Variants in SMG9 observed in about 807,000 individuals in gnomAD.
SMG9 encodes the protein nonsense-mediated mRNA decay factor SMG9.
In SMG9, 55 loss-of-function variants were observed where a neutral mutation model predicts 64.0. That is an observed-to-expected ratio of 0.86 (90% CI 0.69 to 1.08). The LOEUF (loss-of-function observed/expected upper bound fraction) is 1.08, where lower values mean the gene tolerates loss of function less well. Ranked by LOEUF, SMG9 falls within the 50% of genes least tolerant of loss-of-function variation. The probability of loss-of-function intolerance (pLI) is 0.00; values close to 1 mark genes in which losing one functional copy is unlikely to be tolerated. For missense variants in SMG9, 554 were observed against 681.3 expected, an observed-to-expected ratio of 0.81 and a Z score of 2.08; for synonymous variants, 244 against 254.8, an observed-to-expected ratio of 0.96 and a Z score of 0.41.
Position 43,742,856 on chromosome 19 carries a change from C to T in SMG9, c.701+1916G>A, listed in dbSNP as rs570291102. 4.2e-3 allele frequency among the ~76,000 whole-genome samples: 633 copies of T among 152,080 alleles called. 1 individual carries two copies. The highest frequency in any genetic ancestry group is 0.014 in the African/African-American group (579 of 41,478). On this transcript the variant is annotated intron_variant, in intron 6 of 13. Transcript: ENST00000270066. ...CTGTAATCCCGACACTTTGGGAGGC[C>T]GAGGTGGGCAGATCACCTGTCAGGA... is the stretch of plus-strand genomic sequence containing the variant.
rs565291129 is a variant in SMG9, at chr19:43,733,496, T to C, written c.1211-44A>G. 1.2e-5 allele frequency: 19 copies of C among 1,612,528 alleles called. No homozygotes were observed. The South Asian group carries it at 2.0e-4, about 17-fold the overall frequency. On this transcript the variant is annotated intron_variant, in intron 11 of 13. Coordinates refer to ENST00000270066, the MANE Select transcript of SMG9 (RefSeq NM_019108.4). ...CAGCCTTCAGGTACCATGTTGTGGG[T>C]TTGGGGAGTGGGAATTGTTGACAGT...
intron 7 of SMG9, 90 bp from the exon 8 acceptor site, chr19:43,738,307 G>A (rs546995485): frequency 3.4e-6 from 4 of 1,191,180 alleles, no homozygotes; most frequent in South Asian, 2.7e-5. Context: ...GACAAAACAA[G>A]GTCAGAAACA....
intron 9 of SMG9, among the ~76,000 whole-genome samples, chr19:43,735,743 G>A (rs549444479): frequency 6.6e-6 from 1 of 151,956 alleles, no homozygotes; most frequent in Non-Finnish European, 1.5e-5. Context: ...AAGGGATAAT[G>A]GGATTGCTAA....
intron 6 of SMG9, among the ~76,000 whole-genome samples, chr19:43,742,715 G>A (rs923868499): frequency 6.6e-6 from 1 of 152,232 alleles, no homozygotes; most frequent in African/African-American, 2.4e-5. Flanking sequence ...GAAACCTCTT[G>A]GTATCCTGCA....
At chr19:43,748,489 A>G (rs766127784) in intron 2 of SMG9, among the ~76,000 whole-genome samples, 2 of 152,362 alleles carry the variant, frequency 1.3e-5, no homozygotes, top group South Asian at 4.1e-4. Flanking sequence ...CTCACAGACT[A>G]TGATGAGGAT....
intron 2 of SMG9, among the ~76,000 whole-genome samples, chr19:43,749,098 C>T (rs1361398060): frequency 6.6e-6 from 1 of 152,196 alleles, no homozygotes; most frequent in African/African-American, 2.4e-5. Flanking sequence ...CCTTAAATGT[C>T]ACGTTGGTGC....
intron 1 of SMG9, among the ~76,000 whole-genome samples, chr19:43,753,025 A>G (rs2146417207): frequency 6.6e-6 from 1 of 152,034 alleles, no homozygotes; most frequent in Non-Finnish European, 1.5e-5. Flanking sequence ...TGACATAAAC[A>G]GGTCCCTCCG....
chr19:43,748,075 C>T, intron 2 of SMG9, 23 bp from the exon 3 acceptor site: 1 of 1,593,024 alleles, frequency 6.3e-7, no homozygotes, highest in African/African-American at 1.3e-5. Context: ...AGGGCAGTTA[C>T]TCATGAATGG....
At chr19:43,745,351 G>C (rs187090508) in intron 5 of SMG9, among the ~76,000 whole-genome samples, 1 of 152,096 alleles carries the variant, frequency 6.6e-6, no homozygotes, top group Admixed American at 6.5e-5. Flanking sequence ...TTTCGTCTGT[G>C]TGTGTGTTTT....
At chr19:43,750,787 C>T in intron 1 of SMG9, 40 bp from the exon 2 acceptor site, 1 of 1,562,880 alleles carries the variant, frequency 6.4e-7, no homozygotes, top group Non-Finnish European at 8.7e-7. Flanking sequence ...GACAGAGTCT[C>T]TTCCTACTCT....
Position 43,729,078 on chromosome 19 carries a change from G to A in SMG9, c.*2518C>T, listed in dbSNP as rs962283420. 26 of 974,018 alleles carry A rather than the reference G, an allele frequency of 2.7e-5. No individual in the cohort carries two copies. In the East Asian group the frequency reaches 3.4e-4, roughly 13 times the overall value. 60.3% of individuals were successfully genotyped at this position (974,018 alleles called of 1,614,324 possible). On this transcript the variant is annotated 3_prime_UTR_variant, in exon 14 of 14. Coordinates refer to ENST00000270066, the MANE Select transcript of SMG9 (RefSeq NM_019108.4). ...GATGTAAAGGGGGTGGCGGGTGACCGGTACATACTTACCCACTGTTCAGAA... is the reference window on the plus strand; with the variant it reads ...GATGTAAAGGGGGTGGCGGGTGACCAGTACATACTTACCCACTGTTCAGAA...
chr19:43,741,769 C>T (rs1157797995), intron 6 of SMG9, among the ~76,000 whole-genome samples: 1 of 152,170 alleles, frequency 6.6e-6, no homozygotes, highest in African/African-American at 2.4e-5. Context: ...TCAAACGTTC[C>T]CCTTAGCAAG....
chr19:43,751,956 T>C (rs984963320), intron 1 of SMG9, among the ~76,000 whole-genome samples: 1 of 152,186 alleles, frequency 6.6e-6, no homozygotes, highest in Non-Finnish European at 1.5e-5. Context: ...CACATAAAAA[T>C]AGGATATTCT....
chr19:43,749,399 G>A (rs544937163), intron 2 of SMG9, among the ~76,000 whole-genome samples: 2 of 152,210 alleles, frequency 1.3e-5, no homozygotes, highest in Non-Finnish European at 2.9e-5. Flanking sequence ...ACAAGAGGCT[G>A]CCAGGGCTCA....
chr19:43,733,702 G>C lies in SMG9; in HGVS notation c.1134C>G (p.Asp378Glu), dbSNP rs1465992295. ...VFLQNKARRE[D>E]FCPRKLRQMH... is the part of the protein sequence containing the mutation. ...TCTGCCGCAGCTTCCGAGGACAGAA[G>C]TCCTCTCGGCGAGCTTTGTTCTGCA... The change falls in exon 11 of 14, where the codon GAC becomes GAG. Residue 378 changes from aspartate (D) to glutamate (E), a missense_variant. Asp to Glu is a conservative substitution (Grantham distance 45). Transcript: ENST00000270066. 1.9e-6 allele frequency: 3 copies of C among 1,614,078 alleles called. No individual in the cohort carries two copies. The highest frequency in any genetic ancestry group is 2.5e-6 in the Non-Finnish European group (3 of 1,180,048).
intron 7 of SMG9, among the ~76,000 whole-genome samples, chr19:43,739,251 G>A (rs1156986038): frequency 6.6e-6 from 1 of 152,212 alleles, no homozygotes; most frequent in African/African-American, 2.4e-5. Context: ...TACTGATAAT[G>A]GTATTAATTG....
intron 1 of SMG9, among the ~76,000 whole-genome samples, chr19:43,752,668 CAGG>C (rs1422280426): frequency 1.3e-5 from 2 of 152,108 alleles, no homozygotes; most frequent in Non-Finnish European, 2.9e-5. Context: ...GAGGCCGAGA[CAGG>C]AGGACTGCTT....
chr19:43,743,162 C>T (rs116514650), intron 6 of SMG9, among the ~76,000 whole-genome samples: 1,551 of 152,152 alleles, frequency 0.01, 24 homozygotes, highest in African/African-American at 0.035. Flanking sequence ...CACAGGCTGA[C>T]GTGGCTCAAA....
At chr19:43,740,534 T>C (rs1389704991) in intron 6 of SMG9, among the ~76,000 whole-genome samples, 1 of 152,142 alleles carries the variant, frequency 6.6e-6, no homozygotes, top group Non-Finnish European at 1.5e-5. Flanking sequence ...TGTGTGGCTT[T>C]AGGCACACTC....
Sources: gnomAD v4.1 joint callset for allele counts (sites outside exome capture counted in the v4.1 genomes callset) on GRCh38, gnomAD v4.1.1 for gene constraint, MANE v1.5 for transcripts, NCBI Gene and HGNC (gene_info 2026-07-23, HGNC 2026-07-21) for gene names.